Variants in ADAMTS5 observed in about 807,000 individuals in gnomAD.
ADAMTS5 encodes A disintegrin and metalloproteinase with thrombospondin motifs 5.
Under a neutral mutation model 81.4 loss-of-function variants are expected in ADAMTS5, and 54 were observed. That is an observed-to-expected ratio of 0.66 (90% CI 0.53 to 0.83). The LOEUF is 0.83. Ranked by LOEUF, ADAMTS5 falls within the 40% of genes least tolerant of loss-of-function variation. The pLI is 0.00. For missense variants in ADAMTS5, 1,194 were observed against 1,229.9 expected, an observed-to-expected ratio of 0.97 and a Z score of 0.44; for synonymous variants, 532 against 508.8, an observed-to-expected ratio of 1.05 and a Z score of -0.61.
Position 26,934,789 on chromosome 21 carries a change from G to T in ADAMTS5, c.1406-40C>A, listed in dbSNP as rs749871381. 5.6e-6 allele frequency: 9 copies of T among 1,600,330 alleles called. No homozygotes were observed. In the African/African-American group the frequency reaches 1.1e-4, roughly 19 times the overall value. On this transcript the variant is annotated intron_variant, in intron 3 of 7. Transcript: ENST00000284987. ...GAGATTGACCACGGCTCTGTGTTTA[G>T]GTTTCAAACCGCTAAAATCATGGAT...
At chr21:26,925,392 T>C (rs1600997591) in intron 7 of ADAMTS5, among the ~76,000 whole-genome samples, 1 of 152,162 alleles carries the variant, frequency 6.6e-6, no homozygotes, top group Admixed American at 6.5e-5. Flanking sequence ...TTTTTCTGAA[T>C]TCTTAGTGCC....
rs527743193 is a variant in ADAMTS5, at chr21:26,941,036, CT to C, written c.1405+2343del. On this transcript the variant is annotated intron_variant, in intron 3 of 7. Coordinates refer to ENST00000284987, the MANE Select transcript of ADAMTS5 (RefSeq NM_007038.5). Reference sequence around the variant, plus strand: ...TTGAAACAAAGTAAGACAGACATAACTGAGCTTTGTCATTGTGCCACACTGC... The same window carrying C: ...TTGAAACAAAGTAAGACAGACATAACGAGCTTTGTCATTGTGCCACACTGC... 5.3e-4 allele frequency among the ~76,000 whole-genome samples: 81 copies of C among 152,244 alleles called. 2 individuals are homozygous for C. The South Asian group carries it at 0.014, about 26-fold the overall frequency.
Position 26,924,630 on chromosome 21 carries a change from G to C in ADAMTS5, c.2226-10C>G, listed in dbSNP as rs1986773152. 1 of 1,585,440 alleles carries C rather than the reference G, an allele frequency of 6.3e-7. No individual in the cohort carries two copies. The highest frequency in any genetic ancestry group is 1.4e-5 in the African/African-American group (1 of 73,790). On this transcript the variant is annotated splice_polypyrimidine_tract_variant and intron_variant, in intron 7 of 7. Transcript: ENST00000284987. ...GTCAGTGTAACCCTTACTGGAAGTAGGAATGTTCACAGGAAGTGGGGGAAG... is the reference window on the plus strand; with the variant it reads ...GTCAGTGTAACCCTTACTGGAAGTACGAATGTTCACAGGAAGTGGGGGAAG...
At chr21:26,958,628 A>C (rs1987471044) in intron 1 of ADAMTS5, among the ~76,000 whole-genome samples, 1 of 152,234 alleles carries the variant, frequency 6.6e-6, no homozygotes, top group Non-Finnish European at 1.5e-5. Context: ...CCAGAGATCC[A>C]GACGTGTTTA....
chr21:26,960,077 G>T (rs764349547), intron 1 of ADAMTS5, among the ~76,000 whole-genome samples: 1 of 151,968 alleles, frequency 6.6e-6, no homozygotes, highest in African/African-American at 2.4e-5. Context: ...GAATATTTTG[G>T]CCTCTGAAGC....
rs1437617339 is a variant in ADAMTS5, at chr21:26,965,471, G to A, written c.921C>T (p.Ile307=). 6 of 1,614,250 alleles carry A rather than the reference G, an allele frequency of 3.7e-6. No individual in the cohort carries two copies. The East Asian group carries it at 1.3e-4, about 36-fold the overall frequency. Residue 307 remains isoleucine (I), a synonymous_variant, in exon 1 of 8, where the codon ATC becomes ATT. Transcript: ENST00000284987. ...CCACGGCCAGGCGGATGTGGTTCTCGATGCTAGCATGGCTGTACAGCCTAT... is the reference window on the plus strand; with the variant it reads ...CCACGGCCAGGCGGATGTGGTTCTCAATGCTAGCATGGCTGTACAGCCTAT... ...IANRLYSHAS[I]ENHIRLAVVK...
At chr21:26,927,458 C>T (rs1298330415) in intron 7 of ADAMTS5, among the ~76,000 whole-genome samples, 1 of 152,212 alleles carries the variant, frequency 6.6e-6, no homozygotes, top group Non-Finnish European at 1.5e-5. Flanking sequence ...GTGTACTGCT[C>T]ATTAATAGCA....
intron 4 of ADAMTS5, among the ~76,000 whole-genome samples, chr21:26,933,443 G>C (rs1986952494): frequency 6.6e-6 from 1 of 152,188 alleles, no homozygotes; most frequent in African/African-American, 2.4e-5. Context: ...TGAAGGATCT[G>C]CATGGCACTG....
At chr21:26,948,451 G>T (rs564914302) in intron 2 of ADAMTS5, among the ~76,000 whole-genome samples, 18 of 152,286 alleles carry the variant, frequency 1.2e-4, no homozygotes, top group Admixed American at 3.3e-4. Flanking sequence ...TCTTAATGAG[G>T]TCATGTTTTT....
chr21:26,960,212 GCCT>G (rs1987502837), intron 1 of ADAMTS5, among the ~76,000 whole-genome samples: 1 of 152,142 alleles, frequency 6.6e-6, no homozygotes, highest in South Asian at 2.1e-4. Context: ...ACCACCTTGA[GCCT>G]CCTCTTGAAG....
intron 2 of ADAMTS5, among the ~76,000 whole-genome samples, chr21:26,944,516 A>G (rs1987177175): frequency 6.6e-6 from 1 of 152,220 alleles, no homozygotes; most frequent in African/African-American, 2.4e-5. Flanking sequence ...GATATTCCAC[A>G]ACAAATTTAC....
At chr21:26,960,810 T>C (rs1224106897) in intron 1 of ADAMTS5, among the ~76,000 whole-genome samples, 1 of 152,226 alleles carries the variant, frequency 6.6e-6, no homozygotes, top group Non-Finnish European at 1.5e-5. Context: ...ACTAATCTAT[T>C]ACCATTTCCC....
In ADAMTS5 at chr21:26,935,739, C is replaced by T. The variant is rs1448320117; in HGVS notation, c.1406-990G>A. Among the ~76,000 whole-genome samples, 14 of 152,152 alleles carry T rather than the reference C, an allele frequency of 9.2e-5. 1 individual carries two copies. Among genetic ancestry groups the T allele is most frequent in the Admixed American group, 8.5e-4 (13 of 15,276 alleles). ...CTTCCTCTTCCTCTCCTTCCCCTCC[C>T]CGCAAAAGCTTCCCTAAGAATCCCT... On this transcript the variant is annotated intron_variant, in intron 3 of 7. Transcript: ENST00000284987.
intron 2 of ADAMTS5, among the ~76,000 whole-genome samples, chr21:26,946,378 A>G (rs1052935230): frequency 2.0e-5 from 3 of 152,238 alleles, no homozygotes; most frequent in Admixed American, 1.3e-4. Context: ...GCTCACGGTA[A>G]AGACGGCACG....
At chr21:26,926,448 G>A (rs1031565894) in intron 7 of ADAMTS5, among the ~76,000 whole-genome samples, 1 of 152,124 alleles carries the variant, frequency 6.6e-6, no homozygotes, top group African/African-American at 2.4e-5. Context: ...TGAGGCAAGG[G>A]GATCACCTGA....
At chr21:26,962,054 A>G (rs1482140458) in intron 1 of ADAMTS5, among the ~76,000 whole-genome samples, 1 of 152,190 alleles carries the variant, frequency 6.6e-6, no homozygotes, top group Non-Finnish European at 1.5e-5. Flanking sequence ...ATCTTTTTAT[A>G]TTGCACAATC....
At chr21:26,936,591 G>A (rs2123178572) in intron 3 of ADAMTS5, among the ~76,000 whole-genome samples, 1 of 152,084 alleles carries the variant, frequency 6.6e-6, no homozygotes, top group South Asian at 2.1e-4. Context: ...CTGTGTTGGG[G>A]GCATTATATA....
chr21:26,964,622 C>G (rs1450104778), intron 1 of ADAMTS5, among the ~76,000 whole-genome samples: 2 of 152,198 alleles, frequency 1.3e-5, no homozygotes, highest in Admixed American at 1.3e-4. Flanking sequence ...AGGAACCTCA[C>G]AAGTTTGTCC....
At chr21:26,937,953 A>G (rs1987044268) in intron 3 of ADAMTS5, among the ~76,000 whole-genome samples, 1 of 152,190 alleles carries the variant, frequency 6.6e-6, no homozygotes, top group African/African-American at 2.4e-5. Flanking sequence ...TATAAAATAA[A>G]GTCAGGCCAG....
Sources: allele counts gnomAD v4.1 joint callset (sites outside exome capture counted in the v4.1 genomes callset), GRCh38; gene constraint gnomAD v4.1.1; transcripts MANE v1.5; gene names NCBI Gene and HGNC (gene_info 2026-07-23, HGNC 2026-07-21).